The following LYZL4 variants were observed in gnomAD, a reference collection of about 807,000 sequenced individuals.
LYZL4 encodes lysozyme-like protein 4.
A neutral mutation model predicts 17.6 loss-of-function variants in LYZL4; 13 were observed. The ratio of observed to expected loss-of-function variants is 0.74; its 90% CI spans 0.48 to 1.18. LYZL4 has a LOEUF of 1.18. Among genes scored for constraint, LYZL4 ranks in the 50% most tolerant of loss-of-function variants. The pLI, the probability that LYZL4 is intolerant of heterozygous loss-of-function variation, is 0.00. For synonymous variants in LYZL4, 64 were observed against 67.7 expected (o/e 0.95, Z 0.27); for missense variants, 174 against 188.2 (o/e 0.92, Z 0.44).
the LYZL4 span, among the ~76,000 whole-genome samples, chr3:42,360,766 A>G: frequency 2.0e-5 from 3 of 151,690 alleles, no homozygotes; most frequent in Admixed American, 2.0e-4. Context: ...AGTAACCTTA[A>G]ATATTTATAT....
At chr3:42,391,344 A>G in the LYZL4 span, among the ~76,000 whole-genome samples, 2 of 152,222 alleles carry the variant, frequency 1.3e-5, no homozygotes, top group African/African-American at 4.8e-5. Flanking sequence ...AACAGAGAAG[A>G]AATCTGAGGA....
chr3:42,376,183 C>T, the LYZL4 span, among the ~76,000 whole-genome samples: 1 of 152,216 alleles, frequency 6.6e-6, no homozygotes, highest in Non-Finnish European at 1.5e-5. Context: ...TGCAGAAGTG[C>T]AGAGGCCCAA....
chr3:42,373,697 C>T, the LYZL4 span, among the ~76,000 whole-genome samples: 3 of 151,970 alleles, frequency 2.0e-5, no homozygotes, highest in Non-Finnish European at 4.4e-5. Flanking sequence ...ATTAAGAAGC[C>T]CTGTGCATCA....
At chr3:42,399,916 C>T (rs909863944) in intron 4 of LYZL4, among the ~76,000 whole-genome samples, 2 of 149,484 alleles carry the variant, frequency 1.3e-5, no homozygotes, top group Admixed American at 6.6e-5. Flanking sequence ...AAAGTCATCA[C>T]AGTTTTTGCC....
the LYZL4 span, among the ~76,000 whole-genome samples, chr3:42,365,022 C>G: frequency 6.6e-6 from 1 of 152,162 alleles, no homozygotes; most frequent in Non-Finnish European, 1.5e-5. Flanking sequence ...GCAGCATACT[C>G]TAGCCAAACT....
At chr3:42,391,045 C>T in the LYZL4 span, among the ~76,000 whole-genome samples, 2 of 152,158 alleles carry the variant, frequency 1.3e-5, no homozygotes, top group African/African-American at 2.4e-5. Context: ...GTTTGACATA[C>T]GTACCCATGG....
chr3:42,387,990 C>T, the LYZL4 span, among the ~76,000 whole-genome samples: 5 of 152,174 alleles, frequency 3.3e-5, no homozygotes, highest in Admixed American at 3.3e-4. Context: ...ACAAACACTG[C>T]AACCACAAGG....
downstream of LYZL4, among the ~76,000 whole-genome samples, chr3:42,392,442 T>G (rs1698492732): frequency 6.6e-6 from 1 of 151,998 alleles, no homozygotes. Context: ...ATCTAAGAGG[T>G]CAGAAATGTA....
chr3:42,408,979 T>C (rs1698814596), intron 1 of LYZL4, among the ~76,000 whole-genome samples: 1 of 152,198 alleles, frequency 6.6e-6, no homozygotes, highest in Admixed American at 6.5e-5. Flanking sequence ...TATTCATGAA[T>C]TAGAAGAATC....
chr3:42,365,786 G>T, the LYZL4 span, among the ~76,000 whole-genome samples: 1 of 152,102 alleles, frequency 6.6e-6, no homozygotes, highest in Non-Finnish European at 1.5e-5. Context: ...AGTTACAACA[G>T]TAACAGTTAA....
rs182437063 is a variant in LYZL4, at chr3:42,405,538, C to A, written c.292+1308G>T. ...CTCCCCAGGCCACATGAGAAGGCTGCAGGCCTTCACTCCAACCTCTCCACT... is the reference window on the plus strand; with the variant it reads ...CTCCCCAGGCCACATGAGAAGGCTGAAGGCCTTCACTCCAACCTCTCCACT... On this transcript the variant is annotated intron_variant, in intron 3 of 4. Coordinates refer to ENST00000287748, the MANE Select transcript of LYZL4 (RefSeq NM_144634.4). 4.0e-3 allele frequency among the ~76,000 whole-genome samples: 606 copies of A among 152,304 alleles called. 1 individual carries two copies. The highest frequency in any genetic ancestry group is 0.02 in the Middle Eastern group (6 of 294).
At chr3:42,403,985 T>A (rs2125601914) in intron 4 of LYZL4, 61 bp downstream of exon 4, 1 of 1,226,996 alleles carries the variant, frequency 8.1e-7, no homozygotes, top group Non-Finnish European at 1.2e-6. Context: ...TAGCCAAGAT[T>A]CAGATTAGAG....
chr3:42,375,985 T>C, the LYZL4 span, among the ~76,000 whole-genome samples: 1 of 152,206 alleles, frequency 6.6e-6, no homozygotes, highest in Admixed American at 6.5e-5. Flanking sequence ...CAGTGACTCC[T>C]GTTATCACAC....
At chr3:42,406,453 C>CAAAAAAAAAAAAAAA (rs565639489) in intron 3 of LYZL4, among the ~76,000 whole-genome samples, 1 of 84,152 alleles carries the variant, frequency 1.2e-5, no homozygotes. Context: ...GACTCCGTCT[C>CAAAAAAAAAAAAAAA]AAAAAAAAAA....
At chr3:42,393,399 G>A (rs566951696), downstream of LYZL4, among the ~76,000 whole-genome samples, 3 of 152,144 alleles carry the variant, frequency 2.0e-5, no homozygotes, top group East Asian at 3.9e-4. Context: ...CTGTAGCAGC[G>A]TTTTTACTCA....
intron 4 of LYZL4, among the ~76,000 whole-genome samples, chr3:42,402,343 T>C (rs1698672521): frequency 6.8e-6 from 1 of 148,020 alleles, no homozygotes; most frequent in African/African-American, 2.5e-5. Context: ...GAGATGTCTC[T>C]TATAAAAAAA....
chr3:42,406,996 C>T lies in LYZL4; in HGVS notation c.142G>A (p.Val48Met). ...YFEGYSLENW[V>M]CLAYFESKFN... ...TTGCTCTCGAAGTAGGCCAGGCACA[C>T]CCCTAAGATGGAACAGAAGGTGTGT... is the stretch of plus-strand genomic sequence containing the variant. The change falls in exon 3 of 5, where the codon GTG (valine) becomes ATG (methionine). Residue 48 changes from valine (V) to methionine (M), a missense_variant and splice_region_variant. Val to Met is a conservative substitution (Grantham distance 21, BLOSUM62 1). Coordinates refer to ENST00000287748, the MANE Select transcript of LYZL4 (RefSeq NM_144634.4). 1 of 1,614,164 alleles carries T rather than the reference C, an allele frequency of 6.2e-7. No individual in the cohort carries two copies. The highest frequency in any genetic ancestry group is 8.5e-7 in the Non-Finnish European group (1 of 1,180,034).
chr3:42,406,453 C>CAAAAAA (rs565639489), intron 3 of LYZL4, among the ~76,000 whole-genome samples: 188 of 83,916 alleles, frequency 2.2e-3, no homozygotes, highest in South Asian at 4.2e-3. Context: ...GACTCCGTCT[C>CAAAAAA]AAAAAAAAAA....
At chr3:42,368,523 C>T in the LYZL4 span, among the ~76,000 whole-genome samples, 1 of 152,138 alleles carries the variant, frequency 6.6e-6, no homozygotes, top group South Asian at 2.1e-4. Flanking sequence ...TTTTCCCTTT[C>T]ACAATCTGAG....
Sources: allele counts gnomAD v4.1 joint callset (sites outside exome capture counted in the v4.1 genomes callset), GRCh38; gene constraint gnomAD v4.1.1; transcripts MANE v1.5; gene names NCBI Gene and HGNC (gene_info 2026-07-23, HGNC 2026-07-21).